The following GRAMD1B variants were observed in gnomAD, a reference collection of about 807,000 sequenced individuals.
GRAMD1B encodes GRAM domain containing 1B.
Under a neutral mutation model 99.7 loss-of-function variants are expected in GRAMD1B, and 37 were observed. The observed-to-expected ratio is 0.37, with a 90% confidence interval of 0.29 to 0.49. The LOEUF (loss-of-function observed/expected upper bound fraction) is 0.49, where lower values mean the gene tolerates loss of function less well. Among genes scored for constraint, GRAMD1B ranks in the 20% least tolerant of loss-of-function variants. The pLI, the probability that GRAMD1B is intolerant of heterozygous loss-of-function variation, is 0.98. For synonymous variants in GRAMD1B, 427 were observed against 387.6 expected, an observed-to-expected ratio of 1.10 and a Z score of -1.19; for missense variants, 888 against 1,009.2, an observed-to-expected ratio of 0.88 and a Z score of 1.63.
intron 2 of GRAMD1B, among the ~76,000 whole-genome samples, chr11:123,570,193 T>G (rs1055740611): frequency 2.0e-5 from 3 of 152,140 alleles, no homozygotes; most frequent in Non-Finnish European, 4.4e-5. Context: ...GTGATACTTA[T>G]TTTGAAATGC....
intron 1 of GRAMD1B, among the ~76,000 whole-genome samples, chr11:123,456,842 C>T (rs1051232459): frequency 7.3e-5 from 11 of 150,204 alleles, no homozygotes; most frequent in Non-Finnish European, 1.2e-4. Flanking sequence ...ATCACTTGAA[C>T]CTGGGAGGCA....
rs527454383 is a variant in GRAMD1B, at chr11:123,479,307, AG to A, written c.375-1508del. On this transcript the variant is annotated intron_variant, in intron 1 of 19. Transcript: ENST00000635736. The stretch of plus-strand genomic sequence containing the variant: ...TCTTGCTGGAAGAACGGAACATAAG[AG>A]CATGTGGTAACTGTGACCACAGAAC... Among the ~76,000 whole-genome samples the A allele has an allele frequency of 2.0e-5, 3 of 152,356 alleles. No individual in the cohort carries two copies. The South Asian group carries it at 6.2e-4, about 32-fold the overall frequency.
At chr11:123,547,554 T>C (rs541509302) in intron 2 of GRAMD1B, among the ~76,000 whole-genome samples, 1 of 152,212 alleles carries the variant, frequency 6.6e-6, no homozygotes, top group Non-Finnish European at 1.5e-5. Context: ...AATTATGCCA[T>C]CTGATAACCT....
intron 1 of GRAMD1B, among the ~76,000 whole-genome samples, chr11:123,400,745 G>T (rs1211126009): frequency 2.0e-5 from 3 of 152,088 alleles, no homozygotes; most frequent in Non-Finnish European, 1.5e-5. Flanking sequence ...TGGGGGTTAG[G>T]ATTTCAACAT....
At position 123,627,305 on chromosome 11, in the gene GRAMD1B, C is replaced by T. The variant is rs1271174438; in HGVS notation, c.*4710C>T. ...GTGCCACGTGCTGAGATTGCATAGT[C>T]AAAACAGCCATTTTTGCCAACAATA... On this transcript the variant is annotated 3_prime_UTR_variant, in exon 20 of 20. Transcript: ENST00000635736. 1 of 152,314 alleles carries T rather than the reference C, an allele frequency of 6.6e-6. No individual in the cohort carries two copies. Among genetic ancestry groups the T allele is most frequent in the Non-Finnish European group, 1.5e-5 (1 of 68,100 alleles). The allele number at this position is 152,314 out of a possible 1,614,324, so 9.4% of individuals were successfully genotyped here. A position where few individuals can be genotyped will look rare whatever the true frequency, so the allele number is the denominator to read the frequency against.
chr11:123,491,676 C>A, intron 2 of GRAMD1B: 1 of 388,386 alleles, frequency 2.6e-6, no homozygotes, highest in East Asian at 3.7e-5. Flanking sequence ...CACCCTGGGC[C>A]CTCCATCTGC....
chr11:123,442,377 A>G (rs897606837), intron 1 of GRAMD1B, among the ~76,000 whole-genome samples: 1 of 152,250 alleles, frequency 6.6e-6, no homozygotes, highest in African/African-American at 2.4e-5. Context: ...GTTACCAGAA[A>G]GGGGTCCCAT....
At chr11:123,547,963 G>A (rs1033497841) in intron 2 of GRAMD1B, among the ~76,000 whole-genome samples, 1 of 152,096 alleles carries the variant, frequency 6.6e-6, no homozygotes, top group Non-Finnish European at 1.5e-5. Context: ...GTAGAGGACA[G>A]GTCCTTGCCA....
At chr11:123,387,889 C>T (rs550573838) in intron 1 of GRAMD1B, among the ~76,000 whole-genome samples, 4 of 151,328 alleles carry the variant, frequency 2.6e-5, no homozygotes, top group South Asian at 2.1e-4. Flanking sequence ...TTTGGGAGGC[C>T]GAGGCAGGTG....
At chr11:123,582,379 A>C (rs1949455902) in intron 3 of GRAMD1B, among the ~76,000 whole-genome samples, 1 of 152,202 alleles carries the variant, frequency 6.6e-6, no homozygotes, top group Non-Finnish European at 1.5e-5. Context: ...CACCTTTGTC[A>C]GGAAAAAATA....
intron 1 of GRAMD1B, among the ~76,000 whole-genome samples, chr11:123,370,337 CTTT>C (rs1163332610): frequency 2.9e-5 from 3 of 102,820 alleles, no homozygotes; most frequent in African/African-American, 4.8e-5. Context: ...GAAGTTATCT[CTTT>C]TTTTTTTTTT....
chr11:123,401,921 G>T (rs868112898), intron 1 of GRAMD1B, among the ~76,000 whole-genome samples: 1 of 152,076 alleles, frequency 6.6e-6, no homozygotes, highest in Middle Eastern at 3.4e-3. Context: ...AAAAAGAAAA[G>T]AAAAGAATGA....
chr11:123,498,792 A>G, intron 2 of GRAMD1B, among the ~76,000 whole-genome samples: 1 of 152,166 alleles, frequency 6.6e-6, no homozygotes, highest in East Asian at 1.9e-4. Flanking sequence ...CGTAGGCCCT[A>G]TTCTTAGATT....
chr11:123,562,871 A>C (rs886314918), intron 2 of GRAMD1B, among the ~76,000 whole-genome samples: 1 of 152,206 alleles, frequency 6.6e-6, no homozygotes, highest in Non-Finnish European at 1.5e-5. Context: ...ACAGTGAGCA[A>C]TTTCTTGATT....
rs147141998 is a variant in GRAMD1B, at chr11:123,377,442, G to A, written c.-176+18643G>A. Among the ~76,000 whole-genome samples the A allele has an allele frequency of 2.6e-5, 4 of 152,304 alleles. No homozygotes were observed. In the East Asian group the frequency reaches 7.7e-4, roughly 29 times the overall value. ...TGCAGGAAAAAGGAAAGTTCCTTAG[G>A]AGAAACAGAGTTGAGCAGTCGCCAG... On this transcript the variant is annotated intron_variant, in intron 1 of 20. Coordinates refer to the GRAMD1B transcript ENST00000638157.
intron 17 of GRAMD1B, among the ~76,000 whole-genome samples, chr11:123,617,763 T>C (rs1954622625): frequency 6.6e-6 from 1 of 152,214 alleles, no homozygotes. Flanking sequence ...CCCATGATGA[T>C]GTCTTCATCT....
intron 2 of GRAMD1B, among the ~76,000 whole-genome samples, chr11:123,552,273 C>CTTTTTTTTTTTTTTTTT (rs71060514): frequency 1.3e-4 from 15 of 119,364 alleles, no homozygotes; most frequent in Non-Finnish European, 1.7e-4. Flanking sequence ...CTCTTTCTTT[C>CTTTTTTTTTTTTTTTTT]TTTTTTTTTT....
At chr11:123,596,076 T>C in intron 7 of GRAMD1B, 39 bp downstream of exon 7, 1 of 1,018,606 alleles carries the variant, frequency 9.8e-7, no homozygotes, top group Non-Finnish European at 1.5e-6. Context: ...AATCCTCCCT[T>C]ACTCCTCCTA....
chr11:123,358,482 C>A (rs1401000083), exon 1 of GRAMD1B: 1 of 152,134 alleles, frequency 6.6e-6, no homozygotes. Context: ...CGGGGGAGTT[C>A]CGCTTCCTCC....
Sources: allele counts gnomAD v4.1 joint callset (sites outside exome capture counted in the v4.1 genomes callset), GRCh38; gene constraint gnomAD v4.1.1; transcripts MANE v1.5; gene names NCBI Gene and HGNC (gene_info 2026-07-23, HGNC 2026-07-21).